Variants in TMEM132B observed in about 807,000 individuals in gnomAD.
TMEM132B encodes transmembrane protein 132B.
In TMEM132B, 18 loss-of-function variants were observed where a neutral mutation model predicts 90.8. The ratio of observed to expected loss-of-function variants is 0.20; its 90% CI spans 0.14 to 0.29. The LOEUF is 0.29. TMEM132B is among the 10% of genes least tolerant of loss of function. The probability of loss-of-function intolerance (pLI) is 1.00; values close to 1 mark genes in which losing one functional copy is unlikely to be tolerated. For synonymous variants in TMEM132B, 504 were observed against 523.3 expected (o/e 0.96, Z 0.50); for missense variants, 1,096 against 1,326.8 (o/e 0.83, Z 2.70).
intron 1 of TMEM132B, among the ~76,000 whole-genome samples, chr12:125,260,130 T>C (rs1468394513): frequency 6.6e-6 from 1 of 152,208 alleles, no homozygotes; most frequent in Non-Finnish European, 1.5e-5. Context: ...AAGTGTATGT[T>C]GGTACCCAGA....
At chr12:125,333,102 G>A (rs1012472518) in intron 1 of TMEM132B, among the ~76,000 whole-genome samples, 1 of 152,204 alleles carries the variant, frequency 6.6e-6, no homozygotes, top group Non-Finnish European at 1.5e-5. Context: ...CGCTGTCCCA[G>A]GCCGGTTTTC....
chr12:125,642,872 T>C (rs936558333), intron 5 of TMEM132B, among the ~76,000 whole-genome samples: 1 of 152,114 alleles, frequency 6.6e-6, no homozygotes, highest in African/African-American at 2.4e-5. Context: ...CAAGCTACAG[T>C]GTAGAGCTGT....
chr12:125,644,820 T>C (rs1189347296), intron 6 of TMEM132B, among the ~76,000 whole-genome samples: 1 of 152,176 alleles, frequency 6.6e-6, no homozygotes, highest in African/African-American at 2.4e-5. Flanking sequence ...CTGTGTGACA[T>C]TGGACATGTG....
intron 4 of TMEM132B, among the ~76,000 whole-genome samples, chr12:125,563,147 GTAATAATAATAATAA>G (rs143547141): frequency 1.4e-4 from 19 of 138,422 alleles, no homozygotes; most frequent in South Asian, 2.4e-4. Flanking sequence ...ACCATAATGC[GTAATAATAATAATAA>G]TAATAATAAT....
intron 3 of TMEM132B, among the ~76,000 whole-genome samples, chr12:125,505,189 A>C (rs893200544): frequency 8.2e-5 from 12 of 145,650 alleles, no homozygotes; most frequent in South Asian, 6.5e-4. Context: ...AAAAAAAAAA[A>C]AAAAAACAGT....
In TMEM132B at chr12:125,654,814, G is replaced by C; in HGVS notation, c.*104G>C. On this transcript the variant is annotated 3_prime_UTR_variant, in exon 9 of 9. Coordinates refer to ENST00000682704, the MANE Select transcript of TMEM132B (RefSeq NM_001366854.1). This position sits in a 1 kb window ranked among gnomAD's most constrained non-coding sequence, Gnocchi z 5.8. Reference sequence around the variant, plus strand: ...GGGATGATTTAACAAAGTTTGATTTGTGGAGGTCTGGTGGGATTCATTTCT... The same window carrying C: ...GGGATGATTTAACAAAGTTTGATTTCTGGAGGTCTGGTGGGATTCATTTCT... 1 of 1,324,726 alleles carries C rather than the reference G, an allele frequency of 7.5e-7. No homozygotes were observed. Among genetic ancestry groups the C allele is most frequent in the South Asian group, 1.5e-5 (1 of 68,646 alleles). The allele number at this position is 1,324,726 out of a possible 1,614,324, so 82.1% of individuals were successfully genotyped here.
chr12:125,567,785 CTT>C (rs144876549), intron 4 of TMEM132B, among the ~76,000 whole-genome samples: 1 of 149,916 alleles, frequency 6.7e-6, no homozygotes, highest in Non-Finnish European at 1.5e-5. Flanking sequence ...GATGAGAAGA[CTT>C]TTTTTTTTCC....
intron 1 of TMEM132B, among the ~76,000 whole-genome samples, chr12:125,228,807 C>G (rs1873744285): frequency 6.6e-6 from 1 of 152,224 alleles, no homozygotes; most frequent in Non-Finnish European, 1.5e-5. Context: ...ACCGATGTAT[C>G]AATCACTTCC....
chr12:125,395,898 A>G (rs1386679740), intron 2 of TMEM132B, among the ~76,000 whole-genome samples: 1 of 152,114 alleles, frequency 6.6e-6, no homozygotes, highest in Non-Finnish European at 1.5e-5. Flanking sequence ...TAGTGGAGAG[A>G]CAGCTGGAAT....
intron 5 of TMEM132B, among the ~76,000 whole-genome samples, chr12:125,640,689 C>A (rs1056506607): frequency 7.8e-6 from 1 of 127,606 alleles, no homozygotes; most frequent in Non-Finnish European, 1.7e-5. Context: ...GGCTCACACA[C>A]GCAAAATGCT....
intron 3 of TMEM132B, among the ~76,000 whole-genome samples, chr12:125,482,226 A>G (rs552415849): frequency 2.0e-4 from 30 of 152,360 alleles, no homozygotes; most frequent in African/African-American, 7.2e-4. Context: ...ACCAAAAGCA[A>G]TGGCAACAAA....
At chr12:125,373,418 C>T (rs558252689) in intron 2 of TMEM132B, among the ~76,000 whole-genome samples, 8 of 152,236 alleles carry the variant, frequency 5.3e-5, no homozygotes, top group African/African-American at 1.9e-4. Flanking sequence ...CCGATACCTT[C>T]TGAGAAAAGG....
intron 4 of TMEM132B, among the ~76,000 whole-genome samples, chr12:125,579,851 GT>G (rs1044510032): frequency 3.3e-5 from 5 of 151,984 alleles, no homozygotes; most frequent in African/African-American, 4.8e-5. Context: ...TGTCTCATAA[GT>G]TTTTTTTCAA....
At chr12:125,291,441 G>T (rs185765910) in intron 1 of TMEM132B, among the ~76,000 whole-genome samples, 2 of 152,286 alleles carry the variant, frequency 1.3e-5, no homozygotes, top group Admixed American at 6.5e-5. Context: ...AAGTTAGAGG[G>T]GTTTGAAGTG....
At chr12:125,602,260 CTA>C (rs765949025) in intron 5 of TMEM132B, among the ~76,000 whole-genome samples, 32 of 152,228 alleles carry the variant, frequency 2.1e-4, no homozygotes, top group African/African-American at 5.8e-4. Context: ...AAAAGCTTAT[CTA>C]CCGTGATCAA....
intron 1 of TMEM132B, among the ~76,000 whole-genome samples, chr12:125,243,225 C>T (rs1874129483): frequency 6.6e-6 from 1 of 151,424 alleles, no homozygotes; most frequent in Admixed American, 6.6e-5. Context: ...CTCACTGCAA[C>T]CTCTGCCTCC....
intron 5 of TMEM132B, among the ~76,000 whole-genome samples, chr12:125,598,383 T>C (rs1408260385): frequency 1.3e-5 from 2 of 152,138 alleles, no homozygotes; most frequent in African/African-American, 4.8e-5. Context: ...TCCACAAAAG[T>C]TCAGGGACCA....
chr12:125,590,019 G>C (rs1387057543), intron 5 of TMEM132B, among the ~76,000 whole-genome samples: 1 of 152,104 alleles, frequency 6.6e-6, no homozygotes, highest in Admixed American at 6.5e-5. Flanking sequence ...TGTCCCCTTG[G>C]TGATGAGTGA....
chr12:125,590,227 T>C (rs568822434), intron 5 of TMEM132B, among the ~76,000 whole-genome samples: 1 of 152,258 alleles, frequency 6.6e-6, no homozygotes, highest in South Asian at 2.1e-4. Context: ...GATTTCCTTA[T>C]TGCAATGCAA....
Sources: allele counts gnomAD v4.1 joint callset (sites outside exome capture counted in the v4.1 genomes callset), GRCh38; gene constraint gnomAD v4.1.1; non-coding constraint Gnocchi (gnomAD v3.1); transcripts MANE v1.5; gene names NCBI Gene and HGNC (gene_info 2026-07-23, HGNC 2026-07-21).